The following TMED5 variants were observed in gnomAD, a reference collection of about 807,000 sequenced individuals.
TMED5 encodes transmembrane emp24 domain-containing protein 5.
A neutral mutation model predicts 23.0 loss-of-function variants in TMED5; 27 were observed. That is an observed-to-expected ratio of 1.17 (90% CI 0.86 to 1.62). The LOEUF (loss-of-function observed/expected upper bound fraction) is 1.62. Among genes scored for constraint, TMED5 ranks in the 40% most tolerant of loss-of-function variants. The probability of loss-of-function intolerance (pLI) is 0.00; values close to 1 mark genes in which losing one functional copy is unlikely to be tolerated. For synonymous variants in TMED5, 97 were observed against 100.8 expected (o/e 0.96, Z 0.23); for missense variants, 248 against 273.7 (o/e 0.91, Z 0.66).
intron 2 of TMED5, among the ~76,000 whole-genome samples, chr1:93,158,120 C>A (rs929046624): frequency 4.6e-4 from 51 of 109,726 alleles, no homozygotes; most frequent in Non-Finnish European, 6.8e-4. Context: ...GAGACTCCGT[C>A]TCAAAAAAAA....
At chr1:93,158,382 T>G (rs563187871) in intron 2 of TMED5, among the ~76,000 whole-genome samples, 29 of 152,286 alleles carry the variant, frequency 1.9e-4, no homozygotes, top group Admixed American at 3.3e-4. Flanking sequence ...ATGTGAACTA[T>G]TATAAACTCA....
intron 1 of TMED5, among the ~76,000 whole-genome samples, chr1:93,164,530 G>T (rs1479870758): frequency 6.6e-6 from 1 of 152,050 alleles, no homozygotes; most frequent in Non-Finnish European, 1.5e-5. Flanking sequence ...AGTCATATGT[G>T]AAAAAAACAA....
intron 1 of TMED5, 41 bp from the exon 2 acceptor site, chr1:93,160,267 T>G (rs376762632): frequency 2.2e-4 from 277 of 1,278,322 alleles, no homozygotes; most frequent in Non-Finnish European, 3.0e-4. Context: ...TATTACAAAT[T>G]CTGGAAATAA....
chr1:93,170,984 G>C (rs574528827), intron 1 of TMED5, among the ~76,000 whole-genome samples: 34 of 152,112 alleles, frequency 2.2e-4, no homozygotes, highest in African/African-American at 7.9e-4. Context: ...AAAGCAGGCT[G>C]CCTCAGCCAG....
At position 93,180,328 on chromosome 1, in the gene TMED5, A is replaced by C. The variant is rs2101215354; in HGVS notation, c.-86T>G. 1 of 1,443,578 alleles carries C rather than the reference A, an allele frequency of 6.9e-7. No individual in the cohort carries two copies. 89.4% of individuals were successfully genotyped at this position (1,443,578 alleles called of 1,614,324 possible). On this transcript the variant is annotated 5_prime_UTR_variant, in exon 1 of 4. Transcript: ENST00000370282. The stretch of plus-strand genomic sequence containing the variant: ...TTCCTCTCTGGACTCCTCGTGGTTG[A>C]CAGGGAAATCTGGAGTCTGAAGAAA...
chr1:93,167,476 AT>A (rs1174861370), intron 1 of TMED5, among the ~76,000 whole-genome samples: 1 of 151,836 alleles, frequency 6.6e-6, no homozygotes, highest in Non-Finnish European at 1.5e-5. Context: ...GCGATCTTTC[AT>A]TTTTTCGGCT....
chr1:93,170,635 G>A (rs1648692671), intron 1 of TMED5, among the ~76,000 whole-genome samples: 1 of 152,264 alleles, frequency 6.6e-6, no homozygotes, highest in Non-Finnish European at 1.5e-5. Context: ...GGGACTGGCA[G>A]GCAGCTCCAC....
intron 1 of TMED5, among the ~76,000 whole-genome samples, chr1:93,174,673 G>A (rs933006382): frequency 2.0e-4 from 30 of 152,216 alleles, no homozygotes; most frequent in African/African-American, 7.0e-4. Context: ...CCCAGTGTCT[G>A]TTGTTTCCGT....
intron 1 of TMED5, among the ~76,000 whole-genome samples, chr1:93,170,493 C>G (rs946232202): frequency 6.6e-6 from 1 of 152,220 alleles, no homozygotes; most frequent in Admixed American, 6.5e-5. Context: ...GCCCGCCATG[C>G]CTGAGCCTCC....
intron 2 of TMED5, chr1:93,158,843 G>C: frequency 1.2e-6 from 1 of 849,150 alleles, no homozygotes; most frequent in Non-Finnish European, 1.4e-6. Context: ...TGGGATTATA[G>C]GCGTGAACCG....
At chr1:93,166,662 T>C (rs1338923186) in intron 1 of TMED5, among the ~76,000 whole-genome samples, 2 of 152,170 alleles carry the variant, frequency 1.3e-5, no homozygotes, top group African/African-American at 4.8e-5. Flanking sequence ...TCTGGTTATT[T>C]ATCCCTTGTC....
At position 93,180,161 on chromosome 1, in the gene TMED5, A is replaced by G; in HGVS notation, c.82T>C (p.Phe28Leu). 1 of 1,613,328 alleles carries G rather than the reference A, an allele frequency of 6.2e-7. No individual in the cohort carries two copies. Residue 28 changes from phenylalanine (F) to leucine (L), a missense_variant, in exon 1 of 4, where the codon TTC becomes CTC. Phe to Leu is a conservative substitution (Grantham distance 22). Coordinates refer to ENST00000370282, the MANE Select transcript of TMED5 (RefSeq NM_016040.5). ...PPVLLPGAAG[F>L]TPSLDSDFTF... ...AAGTCGCTATCGAGGGAAGGTGTGAAGCCGGCCGCCCCAGGCAGCAGCACC... is the reference window on the plus strand; with the variant it reads ...AAGTCGCTATCGAGGGAAGGTGTGAGGCCGGCCGCCCCAGGCAGCAGCACC...
chr1:93,180,346 T>C lies in TMED5; in HGVS notation c.-104A>G. 2 of 1,390,104 alleles carry C rather than the reference T, an allele frequency of 1.4e-6. No individual in the cohort carries two copies. The highest frequency in any genetic ancestry group is 9.7e-7 in the Non-Finnish European group (1 of 1,034,860). The allele number at this position is 1,390,104 out of a possible 1,614,324, so 86.1% of individuals were successfully genotyped here. On this transcript the variant is annotated 5_prime_UTR_variant, in exon 1 of 4. Coordinates refer to ENST00000370282, the MANE Select transcript of TMED5 (RefSeq NM_016040.5). ...GTGGTTGACAGGGAAATCTGGAGTCTGAAGAAACTCCAGGTGGCGGCCGCG... is the reference window on the plus strand; with the variant it reads ...GTGGTTGACAGGGAAATCTGGAGTCCGAAGAAACTCCAGGTGGCGGCCGCG...
chr1:93,178,261 T>C (rs1220495110), intron 1 of TMED5, among the ~76,000 whole-genome samples: 1 of 152,208 alleles, frequency 6.6e-6, no homozygotes, highest in African/African-American at 2.4e-5. Context: ...TAAAGTCTAA[T>C]ACAAACTCAG....
intron 1 of TMED5, among the ~76,000 whole-genome samples, chr1:93,176,785 C>T (rs968294916): frequency 6.6e-6 from 1 of 152,234 alleles, no homozygotes; most frequent in Non-Finnish European, 1.5e-5. Flanking sequence ...CCCACCTTGG[C>T]CTCCCAAACT....
At position 93,156,171 on chromosome 1, in the gene TMED5, G is replaced by A; in HGVS notation, c.471+129C>T. On this transcript the variant is annotated intron_variant, in intron 3 of 3. Coordinates refer to ENST00000370282, the MANE Select transcript of TMED5 (RefSeq NM_016040.5). Reference sequence around the variant, plus strand: ...TGATACTTGAGGTCAAAGTATTTATGGCAAAAATAAAATATTAGAAACAGA... The same window carrying A: ...TGATACTTGAGGTCAAAGTATTTATAGCAAAAATAAAATATTAGAAACAGA... The A allele has an allele frequency of 2.6e-6, 3 of 1,148,524 alleles. 1 individual carries two copies. The South Asian group carries it at 4.7e-5, about 18-fold the overall frequency. 71.1% of individuals were successfully genotyped at this position (1,148,524 alleles called of 1,614,324 possible).
intron 1 of TMED5, among the ~76,000 whole-genome samples, chr1:93,175,141 A>T (rs1477837551): frequency 2.1e-5 from 3 of 140,518 alleles, no homozygotes; most frequent in Non-Finnish European, 3.0e-5. Context: ...CCAGCCATTT[A>T]TATATATATA....
intron 2 of TMED5, among the ~76,000 whole-genome samples, chr1:93,157,524 C>T (rs992355689): frequency 6.6e-6 from 1 of 151,900 alleles, no homozygotes; most frequent in Non-Finnish European, 1.5e-5. Context: ...GCCAGGGGTT[C>T]GAGATTAGCC....
chr1:93,171,252 C>A (rs1648721721), intron 1 of TMED5, among the ~76,000 whole-genome samples: 2 of 152,088 alleles, frequency 1.3e-5, no homozygotes, highest in African/African-American at 4.8e-5. Context: ...CCTGAGCCAG[C>A]GAGACCACAA....
Sources: allele counts gnomAD v4.1 joint callset (sites outside exome capture counted in the v4.1 genomes callset), GRCh38; gene constraint gnomAD v4.1.1; transcripts MANE v1.5; gene names NCBI Gene and HGNC (gene_info 2026-07-23, HGNC 2026-07-21).